L1TD1: variants seen among roughly 807,000 people sequenced by gnomAD.
L1TD1 encodes the protein LINE-1 type transposase domain-containing protein 1.
Under a neutral mutation model 25.7 loss-of-function variants are expected in L1TD1, and 26 were observed. The observed-to-expected ratio is 1.01, with a 90% CI of 0.74 to 1.40. The LOEUF is 1.40. Ranked by LOEUF, L1TD1 falls within the 40% of genes most tolerant of loss-of-function variation. L1TD1 has a pLI of 0.00. For missense variants in L1TD1, 1,130 were observed against 975.0 expected, an observed-to-expected ratio of 1.16 and a Z score of -2.12; for synonymous variants, 421 against 335.6, an observed-to-expected ratio of 1.25 and a Z score of -2.78.
At position 62,210,918 on chromosome 1, in the gene L1TD1, A is replaced by T. The variant is rs1308169779; in HGVS notation, c.2144A>T (p.Asn715Ile). 1 of 1,551,288 alleles carries T rather than the reference A, an allele frequency of 6.4e-7. No homozygotes were observed. Among genetic ancestry groups the T allele is most frequent in the Non-Finnish European group, 8.7e-7 (1 of 1,146,912 alleles). Reference sequence around the variant, plus strand: ...ATTCCAGAAAAGGAGAGTTATGAGAATAGGGCAGAGGACATAATTAAAGAA... The same window carrying T: ...ATTCCAGAAAAGGAGAGTTATGAGATTAGGGCAGAGGACATAATTAAAGAA... Reference protein sequence around the residue: ...IGIPEKESYENRAEDIIKEII... With the variant: ...IGIPEKESYEIRAEDIIKEII... Residue 715 changes from asparagine (N) to isoleucine (I), a missense_variant, in exon 4 of 4, where the codon AAT (asparagine) becomes ATT (isoleucine). Transcript: ENST00000498273.
At position 62,210,471 on chromosome 1, in the gene L1TD1, A is replaced by G. The variant is rs2149102719; in HGVS notation, c.1697A>G (p.His566Arg). The change falls in exon 4 of 4, where the codon CAT becomes CGT. Residue 566 changes from histidine (H) to arginine (R), a missense_variant. Transcript: ENST00000498273. ...CCCTCAAAGTCACTAGAGATGAGTC[A>G]TGATGAGCATAAAAAGCATTCACAT... The part of the protein sequence containing the change: ...ASPSKSLEMS[H>R]DEHKKHSHTN... The G allele has an allele frequency of 1.9e-6, 3 of 1,614,210 alleles. No homozygotes were observed. Among genetic ancestry groups the G allele is most frequent in the East Asian group, 2.2e-5 (1 of 44,884 alleles).
Position 62,210,444 on chromosome 1 carries a change from C to A in L1TD1, c.1670C>A (p.Ser557Tyr). 1.9e-6 allele frequency: 3 copies of A among 1,614,138 alleles called. No individual in the cohort carries two copies. The highest frequency in any genetic ancestry group is 2.5e-6 in the Non-Finnish European group (3 of 1,180,034). Residue 557 changes from serine (S) to tyrosine (Y), a missense_variant, in exon 4 of 4, where the codon TCT becomes TAT. Coordinates refer to ENST00000498273, the MANE Select transcript of L1TD1 (RefSeq NM_019079.5). ...GTPCLTLCLA[S>Y]PSKSLEMSHD... ...CCCTGTCTGACCTTATGTTTGGCCT[C>A]TCCCTCAAAGTCACTAGAGATGAGT...
rs768998315 is a variant in L1TD1, at chr1:62,210,882, G to A, written c.2108G>A (p.Arg703His). 5 of 1,551,382 alleles carry A rather than the reference G, an allele frequency of 3.2e-6. No individual in the cohort carries two copies. Among genetic ancestry groups the A allele is most frequent in the South Asian group, 2.4e-5 (2 of 84,002 alleles). ...GAGAGATCTAGAAGTTGCAACATTC[G>A]TTTGATAGGAATTCCAGAAAAGGAG... ...IEERSRSCNI[R>H]LIGIPEKESY... Residue 703 changes from arginine (R) to histidine (H), a missense_variant, in exon 4 of 4, where the codon CGT becomes CAT. Arg to His is a conservative substitution (Grantham distance 29). Transcript: ENST00000498273.
In L1TD1 at chr1:62,205,443, A is replaced by ATTTTTTTTTTTTTTTTTTT. The variant is rs1261055805; in HGVS notation, c.-110-1067_-110-1066insTTTTTTTTTTTTTTTTTTT. ...TATATATATATATATATATATATAT[A>ATTTTTTTTTTTTTTTTTTT]TTTTTTTTTAGACAGTCTTGCTGTG... is the stretch of plus-strand genomic sequence containing the variant. On this transcript the variant is annotated intron_variant, in intron 2 of 3. Coordinates refer to ENST00000498273, the MANE Select transcript of L1TD1 (RefSeq NM_019079.5). Among the ~76,000 whole-genome samples the ATTTTTTTTTTTTTTTTTTT allele has an allele frequency of 1.2e-3, 78 of 63,572 alleles. 1 individual carries two copies. The highest frequency in any genetic ancestry group is 0.011 in the Middle Eastern group (1 of 94). The allele number at this position is 63,572 out of a possible 152,430, so 41.7% of individuals were successfully genotyped here. A position where few individuals can be genotyped will look rare whatever the true frequency, so the allele number is the denominator to read the frequency against.
At chr1:62,201,686 T>G (rs1285102077) in intron 2 of L1TD1, among the ~76,000 whole-genome samples, 1 of 152,144 alleles carries the variant, frequency 6.6e-6, no homozygotes, top group East Asian at 1.9e-4. Flanking sequence ...GTAGCTCTTA[T>G]AAAATAAGGA....
At chr1:62,201,105 T>C (rs1192050315) in intron 2 of L1TD1, among the ~76,000 whole-genome samples, 3 of 152,006 alleles carry the variant, frequency 2.0e-5, no homozygotes, top group Non-Finnish European at 4.4e-5. Context: ...ATTTTTGTAT[T>C]TTTAGTAGAG....
At chr1:62,195,362 A>C (rs1195031191) in intron 1 of L1TD1, among the ~76,000 whole-genome samples, 1 of 152,222 alleles carries the variant, frequency 6.6e-6, no homozygotes, top group Non-Finnish European at 1.5e-5. Context: ...CTCTCCTAAG[A>C]CTTATCTATC....
intron 2 of L1TD1, among the ~76,000 whole-genome samples, chr1:62,205,117 G>A (rs1670709832): frequency 6.6e-6 from 1 of 151,784 alleles, no homozygotes; most frequent in African/African-American, 2.4e-5. Flanking sequence ...TTTGGAGGCC[G>A]AGGCAGGCGG....
At position 62,197,196 on chromosome 1, in the gene L1TD1, G is replaced by C. The variant is rs186424582; in HGVS notation, c.-111+668G>C. 6.1e-4 allele frequency among the ~76,000 whole-genome samples: 93 copies of C among 151,630 alleles called. 1 individual carries two copies. Among genetic ancestry groups the C allele is most frequent in the African/African-American group, 2.2e-3 (89 of 41,342 alleles). ...AGGTCAGCAGTTCGAGACCAGTCTG[G>C]CCAACATGGCGAAACCCCATCTCTA... On this transcript the variant is annotated intron_variant, in intron 2 of 3. Transcript: ENST00000498273.
intron 2 of L1TD1, among the ~76,000 whole-genome samples, chr1:62,197,934 C>G (rs1670574499): frequency 6.6e-6 from 1 of 151,992 alleles, no homozygotes; most frequent in African/African-American, 2.4e-5. Context: ...TGAATGCCCA[C>G]TGCTGAGGGA....
Position 62,210,497 on chromosome 1 carries a change from A to C in L1TD1, c.1723A>C (p.Thr575Pro), listed in dbSNP as rs1670844133. Residue 575 changes from threonine to proline, a missense_variant, in exon 4 of 4, where the codon ACA becomes CCA. By Grantham distance (38) the Thr-to-Pro change is conservative. Coordinates refer to ENST00000498273, the MANE Select transcript of L1TD1 (RefSeq NM_019079.5). ...SHDEHKKHSH[T>P]NLSISTGVTK... is the part of the protein sequence containing the mutation. ...TGATGAGCATAAAAAGCATTCACAT[A>C]CAAATTTGAGTATTTCAACAGGAGT... The C allele has an allele frequency of 6.2e-7, 1 of 1,614,092 alleles. No individual in the cohort carries two copies. Among genetic ancestry groups the C allele is most frequent in the Non-Finnish European group, 8.5e-7 (1 of 1,180,022 alleles).
At chr1:62,196,284 C>T (rs961529226) in intron 1 of L1TD1, among the ~76,000 whole-genome samples, 151 bp from the exon 2 acceptor site, 20 of 152,190 alleles carry the variant, frequency 1.3e-4, no homozygotes, top group East Asian at 1.9e-4. Flanking sequence ...CCTCTCCCGA[C>T]TTACACCCCA....
In L1TD1 at chr1:62,211,249, T is replaced by A; in HGVS notation, c.2475T>A (p.Tyr825Ter). The A allele has an allele frequency of 1.9e-6, 3 of 1,593,164 alleles. No individual in the cohort carries two copies. The highest frequency in any genetic ancestry group is 2.6e-6 in the Non-Finnish European group (3 of 1,169,026). ...LEKGFNPRILYPAKMAFDFRG... is the reference protein window; with the variant it reads ...LEKGFNPRIL ...AAGGCTTTAATCCTAGAATCCTATA[T>A]CCAGCCAAAATGGCATTTGATTTTA... The change falls in exon 4 of 4, where the codon TAT becomes TAA. Residue 825 changes from tyrosine (Y) to a stop codon, truncating the protein, a stop_gained. Transcript: ENST00000498273. LOFTEE classifies it low-confidence loss of function (END_TRUNC).
chr1:62,210,231 G>A lies in L1TD1; in HGVS notation c.1457G>A (p.Ser486Asn), dbSNP rs769664703. The A allele has an allele frequency of 6.2e-7, 1 of 1,613,938 alleles. No individual in the cohort carries two copies. Among genetic ancestry groups the A allele is most frequent in the Non-Finnish European group, 8.5e-7 (1 of 1,180,024 alleles). ...TCAGAGGAGGAAGAAGAAGGAAAGAGCTCTGAAACAGGAAAGGTAAAGACT... is the reference window on the plus strand; with the variant it reads ...TCAGAGGAGGAAGAAGAAGGAAAGAACTCTGAAACAGGAAAGGTAAAGACT... ...SESEEEEEGKSSETGKVKTTS... is the reference protein window; with the variant it reads ...SESEEEEEGKNSETGKVKTTS... Residue 486 changes from serine to asparagine, a missense_variant, in exon 4 of 4, where the codon AGC becomes AAC. Physicochemically the swap from Ser to Asn is conservative, Grantham distance 46. Transcript: ENST00000498273.
rs41312734 is a variant in L1TD1 at position 62,212,150 on chromosome 1, C to A, written c.*778C>A. The A allele has an allele frequency of 6.6e-6, 1 of 151,998 alleles. No individual in the cohort carries two copies. Among genetic ancestry groups the A allele is most frequent in the Non-Finnish European group, 1.5e-5 (1 of 68,022 alleles). The allele number at this position is 151,998 out of a possible 1,614,324, so 9.4% of individuals were successfully genotyped here. ...GTGCTCAGTTCCTCATACCTGTAATCCCAGCAGTTTAGGGGGCCAAGGCAG... is the reference window on the plus strand; with the variant it reads ...GTGCTCAGTTCCTCATACCTGTAATACCAGCAGTTTAGGGGGCCAAGGCAG... On this transcript the variant is annotated 3_prime_UTR_variant, in exon 4 of 4. Transcript: ENST00000498273.
At chr1:62,195,841 C>G (rs368991927) in intron 1 of L1TD1, among the ~76,000 whole-genome samples, 1 of 77,128 alleles carries the variant, frequency 1.3e-5, no homozygotes, top group Non-Finnish European at 2.5e-5. Flanking sequence ...GAGATCGAGA[C>G]CATCCTGGCC....
intron 2 of L1TD1, among the ~76,000 whole-genome samples, chr1:62,197,215 A>C (rs1056820685): frequency 2.6e-5 from 4 of 151,374 alleles, no homozygotes; most frequent in Admixed American, 2.6e-4. Context: ...GCGAAACCCC[A>C]TCTCTACTAA....
chr1:62,206,489 T>G, intron 2 of L1TD1, 30 bp from the exon 3 acceptor site: 1 of 834,448 alleles, frequency 1.2e-6, no homozygotes. Context: ...AATTCTTTAG[T>G]AAGTAATTTT....
chr1:62,195,754 T>TA (rs916915226), intron 1 of L1TD1, among the ~76,000 whole-genome samples: 22 of 142,502 alleles, frequency 1.5e-4, no homozygotes, highest in Admixed American at 1.3e-3. Flanking sequence ...CTGTCTCAAA[T>TA]AAAAAAAGAT....
Sources: allele counts gnomAD v4.1 joint callset (sites outside exome capture counted in the v4.1 genomes callset), GRCh38; gene constraint gnomAD v4.1.1; transcripts MANE v1.5; gene names NCBI Gene and HGNC (gene_info 2026-07-23, HGNC 2026-07-21).